Variants in DLC1 observed in about 807,000 individuals in gnomAD.
DLC1 encodes rho GTPase-activating protein 7.
In DLC1, 54 loss-of-function variants were observed where a neutral mutation model predicts 140.3. That is an observed-to-expected ratio of 0.38 (90% CI 0.31 to 0.48). DLC1 has a LOEUF of 0.48. Ranked by LOEUF, DLC1 falls within the 20% of genes least tolerant of loss-of-function variation. DLC1 has a pLI of 0.96. For synonymous variants in DLC1, 986 were observed against 728.1 expected (o/e 1.35, Z -5.70); for missense variants, 2,536 against 1,907.0 (o/e 1.33, Z -6.14).
chr8:13,099,822 T>A lies in DLC1; in HGVS notation c.2515A>T (p.Arg839Trp). Residue 839 changes from arginine to tryptophan, a missense_variant, in exon 9 of 18, where the codon AGG becomes TGG. Transcript: ENST00000276297. ...PSGNNGSVNW[R>W]TGSFHGPGHI... ...CCAGGGCCGTGGAAGCTTCCCGTCC[T>A]CCAGTTCACAGAGCCGTTATTCCCC... 1 of 1,614,134 alleles carries A rather than the reference T, an allele frequency of 6.2e-7. No individual in the cohort carries two copies. Among genetic ancestry groups the A allele is most frequent in the African/African-American group, 1.3e-5 (1 of 75,020 alleles).
At position 13,499,976 on chromosome 8, in the gene DLC1, A is replaced by G; in HGVS notation, c.96T>C (p.His32=). 1 of 1,614,098 alleles carries G rather than the reference A, an allele frequency of 6.2e-7. No homozygotes were observed. ...FNSDDRNTAC[H]HGLVADSLQA... Reference sequence around the variant, plus strand: ...GCAAGCTGTCAGCTACTAGTCCATGATGACATGCTGTGTTACGATCATCAG... The same window carrying G: ...GCAAGCTGTCAGCTACTAGTCCATGGTGACATGCTGTGTTACGATCATCAG... The change falls in exon 2 of 18, where the codon CAT becomes CAC. Residue 32 remains histidine, a synonymous_variant. Transcript: ENST00000276297.
At chr8:13,459,503 C>A (rs1014034001) in intron 2 of DLC1, among the ~76,000 whole-genome samples, 1 of 152,194 alleles carries the variant, frequency 6.6e-6, no homozygotes, top group Non-Finnish European at 1.5e-5. Context: ...AATTACCAGG[C>A]TTTTCAGTTT....
chr8:13,562,969 A>T (rs957295183), intron 1 of DLC1, among the ~76,000 whole-genome samples: 2 of 152,138 alleles, frequency 1.3e-5, no homozygotes, highest in Non-Finnish European at 2.9e-5. Context: ...TTATAACAAG[A>T]GAGGAACACA....
At chr8:13,571,630 C>T (rs1269356663) in intron 1 of DLC1, among the ~76,000 whole-genome samples, 1 of 152,162 alleles carries the variant, frequency 6.6e-6, no homozygotes, top group African/African-American at 2.4e-5. Context: ...TGCATTGCTC[C>T]CACTTTTTGG....
At chr8:13,587,069 A>C (rs1483554452) in intron 1 of DLC1, among the ~76,000 whole-genome samples, 4 of 116,488 alleles carry the variant, frequency 3.4e-5, no homozygotes, top group Non-Finnish European at 5.3e-5. Context: ...CCACTTGGGA[A>C]AATAGTTTAC....
At chr8:13,335,105 C>T (rs1833765140) in intron 4 of DLC1, among the ~76,000 whole-genome samples, 1 of 152,092 alleles carries the variant, frequency 6.6e-6, no homozygotes, top group Non-Finnish European at 1.5e-5. Context: ...GAATCATCAG[C>T]CTCCAAGGTG....
At chr8:13,427,111 T>C (rs1200432579) in intron 2 of DLC1, among the ~76,000 whole-genome samples, 2 of 152,180 alleles carry the variant, frequency 1.3e-5, no homozygotes. Context: ...CTTTTACACA[T>C]TTGTCTTCAT....
At chr8:13,334,571 T>C (rs528357929) in intron 4 of DLC1, among the ~76,000 whole-genome samples, 2 of 152,260 alleles carry the variant, frequency 1.3e-5, no homozygotes, top group South Asian at 4.2e-4. Flanking sequence ...CAGACATCAA[T>C]TGTCTCTGGG....
chr8:13,478,293 A>T (rs1056910805), intron 2 of DLC1, among the ~76,000 whole-genome samples: 5 of 152,116 alleles, frequency 3.3e-5, no homozygotes, highest in Admixed American at 3.3e-4. Context: ...ACACTTTTAA[A>T]CGATCAGAAC....
At chr8:13,205,321 A>C (rs191228505) in intron 5 of DLC1, among the ~76,000 whole-genome samples, 24 of 152,018 alleles carry the variant, frequency 1.6e-4, no homozygotes, top group Middle Eastern at 3.4e-3. Flanking sequence ...ATCATTTTTT[A>C]ATTGAAGAAT....
intron 5 of DLC1, among the ~76,000 whole-genome samples, chr8:13,245,571 C>G (rs1033301758): frequency 2.6e-5 from 4 of 152,206 alleles, no homozygotes; most frequent in African/African-American, 9.7e-5. Flanking sequence ...AATGAGCTAC[C>G]TCCACCTGAA....
chr8:13,228,651 G>A (rs1828907888), intron 5 of DLC1, among the ~76,000 whole-genome samples: 2 of 152,342 alleles, frequency 1.3e-5, no homozygotes, highest in African/African-American at 2.4e-5. Context: ...TAGGGAGGCT[G>A]AGGCAAGAAG....
intron 2 of DLC1, among the ~76,000 whole-genome samples, chr8:13,417,812 T>C (rs1838141820): frequency 6.6e-6 from 1 of 151,998 alleles, no homozygotes; most frequent in South Asian, 2.1e-4. Flanking sequence ...GTTGAACTAG[T>C]TTACAGTCCC....
chr8:13,419,153 T>G (rs1838200448), intron 2 of DLC1, among the ~76,000 whole-genome samples: 1 of 152,194 alleles, frequency 6.6e-6, no homozygotes. Context: ...AATCATGTGG[T>G]CTGCAAACAG....
At chr8:13,504,398 C>A (rs1420392887) in intron 1 of DLC1, among the ~76,000 whole-genome samples, 1 of 152,068 alleles carries the variant, frequency 6.6e-6, no homozygotes. Flanking sequence ...CTGTTGGGAT[C>A]ACAGGCGTGA....
intron 1 of DLC1, among the ~76,000 whole-genome samples, chr8:13,596,034 A>T (rs1805669886): frequency 6.6e-6 from 1 of 152,078 alleles, no homozygotes; most frequent in Non-Finnish European, 1.5e-5. Flanking sequence ...TCACATGATG[A>T]GTTAAATATT....
rs148953920 is a variant in DLC1 at position 13,392,274 on chromosome 8, C to T, written c.1314+1279G>A. 7.2e-5 allele frequency among the ~76,000 whole-genome samples: 11 copies of T among 152,220 alleles called. 1 individual carries two copies. The East Asian group carries it at 2.1e-3, about 29-fold the overall frequency. Reference sequence around the variant, plus strand: ...TGCTGGAATGTAAGCTGTTTAAAGACAAGGAATATGTTTTATTCCTCCCCA... The same window carrying T: ...TGCTGGAATGTAAGCTGTTTAAAGATAAGGAATATGTTTTATTCCTCCCCA... On this transcript the variant is annotated intron_variant, in intron 4 of 17. Coordinates refer to ENST00000276297, the MANE Select transcript of DLC1 (RefSeq NM_182643.3).
chr8:13,496,213 A>G (rs920258500), intron 2 of DLC1, among the ~76,000 whole-genome samples: 3 of 152,206 alleles, frequency 2.0e-5, no homozygotes, highest in Non-Finnish European at 4.4e-5. Context: ...TTAGACATCA[A>G]CTAGATTAGA....
intron 2 of DLC1, among the ~76,000 whole-genome samples, chr8:13,411,603 T>C (rs987655549): frequency 6.6e-6 from 1 of 152,160 alleles, no homozygotes; most frequent in Non-Finnish European, 1.5e-5. Flanking sequence ...ACTACTTTGG[T>C]GCTGGATGTT....
Sources: allele counts gnomAD v4.1 joint callset (sites outside exome capture counted in the v4.1 genomes callset), GRCh38; gene constraint gnomAD v4.1.1; transcripts MANE v1.5; gene names NCBI Gene and HGNC (gene_info 2026-07-23, HGNC 2026-07-21).